SAP130: variants seen among roughly 807,000 people sequenced by gnomAD.
SAP130 encodes Sin3A associated protein 130.
SAP130 carries 16 observed loss-of-function variants against 103.2 expected under a neutral mutation model. The observed-to-expected ratio is 0.16, with a 90% CI of 0.10 to 0.24. SAP130 has a LOEUF of 0.24. Among genes scored for constraint, SAP130 ranks in the 10% least tolerant of loss-of-function variants. The pLI is 1.00. For synonymous variants in SAP130, 477 were observed against 497.0 expected (o/e 0.96, Z 0.53); for missense variants, 990 against 1,359.7 (o/e 0.73, Z 4.28).
At chr2:127,963,879 G>GT (rs1388121784) in intron 15 of SAP130, among the ~76,000 whole-genome samples, 4 of 152,140 alleles carry the variant, frequency 2.6e-5, no homozygotes, top group African/African-American at 9.7e-5. Context: ...TTTATGCATG[G>GT]TTTTTTCTAT....
rs1684300456 is a variant in SAP130 at position 128,010,353 on chromosome 2, G to A, written c.785C>T (p.Ala262Val). The A allele has an allele frequency of 6.2e-7, 1 of 1,614,058 alleles. No individual in the cohort carries two copies. The change falls in exon 7 of 21, where the codon GCT becomes GTT. Residue 262 changes from alanine (A) to valine (V), a missense_variant. Around this residue, in one of 6 missense-constraint regions of SAP130, gnomAD observed 336 missense variants for 520.1 expected, o/e 0.65. Transcript: ENST00000643581. The stretch of plus-strand genomic sequence containing the variant: ...GGTGGCTGAGACAGTTGCTACCACA[G>A]CAGGAGGGATGGCATTGGAGGTGGT... ...PVTTSNAIPPAVVATVSATRA... is the reference protein window; with the variant it reads ...PVTTSNAIPPVVVATVSATRA...
intron 15 of SAP130, among the ~76,000 whole-genome samples, chr2:127,967,667 A>T (rs974521271): frequency 2.6e-5 from 4 of 152,204 alleles, no homozygotes; most frequent in Admixed American, 6.5e-5. Flanking sequence ...AAGCACTGGG[A>T]TTACAGGCGT....
Position 128,000,163 on chromosome 2 carries a change from A to C in SAP130, c.1018-17T>G. On this transcript the variant is annotated splice_polypyrimidine_tract_variant and intron_variant, in intron 8 of 20. Transcript: ENST00000643581. The stretch of plus-strand genomic sequence containing the variant: ...GATTGTTTTCTGTGAGGGAAACCCC[A>C]CAACACAGTTATAAGAACATTATCC... 6.2e-7 allele frequency: 1 copy of C among 1,613,286 alleles called. No homozygotes were observed. Among genetic ancestry groups the C allele is most frequent in the Non-Finnish European group, 8.5e-7 (1 of 1,179,200 alleles).
chr2:127,969,056 A>C (rs751368836), intron 15 of SAP130, among the ~76,000 whole-genome samples: 2 of 152,172 alleles, frequency 1.3e-5, no homozygotes, highest in African/African-American at 2.4e-5. Flanking sequence ...ATGATCAACA[A>C]AACAGTAAAC....
At chr2:127,965,632 A>G (rs891001034) in intron 15 of SAP130, among the ~76,000 whole-genome samples, 4 of 152,012 alleles carry the variant, frequency 2.6e-5, no homozygotes, top group Non-Finnish European at 4.4e-5. Flanking sequence ...TCTACTAAAA[A>G]TACAAAAATT....
chr2:127,990,555 G>GT (rs1682717152), intron 12 of SAP130, among the ~76,000 whole-genome samples: 1 of 152,090 alleles, frequency 6.6e-6, no homozygotes. Flanking sequence ...AAATAAACAA[G>GT]TATCTTACAA....
rs367902577 is a variant in SAP130 at position 127,956,033 on chromosome 2, G to GT, written c.2064-690dup. Among the ~76,000 whole-genome samples the GT allele has an allele frequency of 8.8e-4, 132 of 150,796 alleles. 2 individuals are homozygous for GT. In the East Asian group the frequency reaches 0.013, roughly 15 times the overall value. Reference sequence around the variant, plus strand: ...TTGTCTTTGGAGTTGTTATTTTTCTGTTTTTTTTTCTTTTCTTTCTCTTTA... The same window carrying GT: ...TTGTCTTTGGAGTTGTTATTTTTCTGTTTTTTTTTTCTTTTCTTTCTCTTTA... On this transcript the variant is annotated intron_variant, in intron 15 of 20. Coordinates refer to ENST00000643581, the MANE Select transcript of SAP130 (RefSeq NM_001330301.2).
intron 12 of SAP130, 92 bp downstream of exon 12, chr2:127,993,095 A>C (rs1682923998): frequency 1.4e-6 from 2 of 1,416,916 alleles, no homozygotes; most frequent in South Asian, 2.4e-5. Flanking sequence ...GAAATAATTA[A>C]TCTCATACAA....
rs760083783 is a variant in SAP130, at chr2:127,996,520, C to T, written c.1214-29G>A. 1.4e-6 allele frequency: 2 copies of T among 1,434,570 alleles called. No individual in the cohort carries two copies. Among genetic ancestry groups the T allele is most frequent in the South Asian group, 3.1e-5 (2 of 65,082 alleles). The allele number at this position is 1,434,570 out of a possible 1,614,324, so 88.9% of individuals were successfully genotyped here. ...CAAACAGTAAATGCCAATTCCATGA[C>T]CATTCTACACTTTTTTTTGGCATGC... On this transcript the variant is annotated intron_variant, in intron 10 of 20. Coordinates refer to ENST00000643581, the MANE Select transcript of SAP130 (RefSeq NM_001330301.2). The surrounding 1 kb of genome is among the most constrained non-coding windows in gnomAD (Gnocchi z 4.3).
chr2:127,954,523 A>G (rs1351691615), intron 16 of SAP130, among the ~76,000 whole-genome samples: 2 of 152,146 alleles, frequency 1.3e-5, no homozygotes, highest in African/African-American at 4.8e-5. Flanking sequence ...TGAAGTGGTA[A>G]AGGGAGAAAT....
chr2:127,999,678 G>A, intron 10 of SAP130, 63 bp downstream of exon 10: 1 of 821,236 alleles, frequency 1.2e-6, no homozygotes, highest in Non-Finnish European at 1.9e-6. Flanking sequence ...CACCATGAAG[G>A]CCTAGTCTGA....
intron 6 of SAP130, 127 bp downstream of exon 6, chr2:128,012,903 G>T: frequency 3.5e-6 from 3 of 855,404 alleles, no homozygotes; most frequent in Non-Finnish European, 5.0e-6. Flanking sequence ...ATGACACTGT[G>T]CATCTTTCAA....
chr2:127,956,325 G>A (rs1037354145), intron 15 of SAP130, among the ~76,000 whole-genome samples: 4 of 152,120 alleles, frequency 2.6e-5, no homozygotes, highest in African/African-American at 7.2e-5. Context: ...TATGAAAATA[G>A]GTTAGTGTAC....
intron 15 of SAP130, among the ~76,000 whole-genome samples, chr2:127,967,307 C>T (rs529881906): frequency 3.9e-5 from 6 of 152,308 alleles, no homozygotes; most frequent in South Asian, 2.1e-4. Flanking sequence ...TATAAACCTT[C>T]GCACATCAAA....
chr2:127,965,074 A>G (rs1450382307), intron 15 of SAP130, among the ~76,000 whole-genome samples: 2 of 151,480 alleles, frequency 1.3e-5, no homozygotes, highest in African/African-American at 4.9e-5. Context: ...AGGTGGGCAG[A>G]TCGCGAGGTC....
intron 15 of SAP130, among the ~76,000 whole-genome samples, chr2:127,963,402 G>T (rs1414677395): frequency 1.3e-5 from 2 of 151,990 alleles, no homozygotes; most frequent in Non-Finnish European, 2.9e-5. Flanking sequence ...GCTCATTTTT[G>T]TATCTTTTGT....
intron 1 of SAP130, among the ~76,000 whole-genome samples, chr2:128,027,506 G>T (rs1452448055): frequency 6.6e-6 from 1 of 151,984 alleles, no homozygotes; most frequent in African/African-American, 2.4e-5. Flanking sequence ...CGCCCCCGGC[G>T]AAGGGGGCGG....
Position 127,993,261 on chromosome 2 carries a change from G to C in SAP130, c.1403C>G (p.Pro468Arg). 1 of 1,613,852 alleles carries C rather than the reference G, an allele frequency of 6.2e-7. No homozygotes were observed. Among genetic ancestry groups the C allele is most frequent in the South Asian group, 1.1e-5 (1 of 91,062 alleles). ...QFQYFLPTYP[P>R]SAYPLAAHTY... is the part of the protein sequence containing the mutation. The stretch of plus-strand genomic sequence containing the variant: ...ATGTGCCGCCAGTGGGTATGCAGAA[G>C]GGGGGTAAGTTGGCAAAAAATATTG... The change falls in exon 12 of 21, where the codon CCT becomes CGT. Residue 468 changes from proline (P) to arginine (R), a missense_variant. Pro to Arg is a moderately radical substitution (Grantham distance 103, BLOSUM62 -2). Transcript: ENST00000643581.
chr2:128,011,820 T>C (rs988394050), intron 6 of SAP130, among the ~76,000 whole-genome samples: 1 of 152,172 alleles, frequency 6.6e-6, no homozygotes, highest in African/African-American at 2.4e-5. Flanking sequence ...CTTATCTTTC[T>C]TATTTTTTGT....
Sources: gnomAD v4.1 joint callset for allele counts (sites outside exome capture counted in the v4.1 genomes callset) on GRCh38, gnomAD v4.1.1 for gene constraint, gnomAD v4.1.1 regional missense constraint, Gnocchi (gnomAD v3.1) non-coding constraint, MANE v1.5 for transcripts, NCBI Gene and HGNC (gene_info 2026-07-23, HGNC 2026-07-21) for gene names.